Variants in IQCJ observed in about 807,000 individuals in gnomAD.
IQCJ encodes IQ domain-containing protein J.
IQCJ carries 9 observed loss-of-function variants against 11.0 expected under a neutral mutation model. The ratio of observed to expected loss-of-function variants is 0.82; its 90% CI spans 0.49 to 1.43. The LOEUF is 1.43. IQCJ is among the 40% of genes most tolerant of loss of function. IQCJ has a pLI of 0.00. For missense variants in IQCJ, 146 were observed against 133.2 expected (o/e 1.10, Z -0.47); for synonymous variants, 55 against 51.3 (o/e 1.07, Z -0.31).
chr3:159,254,733 C>G (rs1054795942), intron 3 of IQCJ, among the ~76,000 whole-genome samples: 2 of 152,094 alleles, frequency 1.3e-5, no homozygotes, highest in African/African-American at 4.8e-5. Context: ...CCCTCCTTCT[C>G]CCTTCCTTTA....
intron 1 of IQCJ, among the ~76,000 whole-genome samples, chr3:159,158,440 C>G (rs927166762): frequency 2.0e-5 from 3 of 152,140 alleles, no homozygotes; most frequent in African/African-American, 7.2e-5. Flanking sequence ...ATTGGTCTTC[C>G]TTCCCTGGTG....
chr3:159,239,253 C>T (rs781485363), intron 1 of IQCJ, among the ~76,000 whole-genome samples: 92 of 152,266 alleles, frequency 6.0e-4, no homozygotes, highest in Non-Finnish European at 1.2e-3. Context: ...TCCAAATTGT[C>T]AGCAGAGCAG....
At chr3:159,127,660 C>T (rs1271451288) in intron 1 of IQCJ, among the ~76,000 whole-genome samples, 3 of 152,092 alleles carry the variant, frequency 2.0e-5, no homozygotes, top group South Asian at 2.1e-4. Flanking sequence ...TGCATTTAGT[C>T]GTGTTGACTG....
chr3:159,182,662 C>T (rs4533706), intron 1 of IQCJ, among the ~76,000 whole-genome samples: 32,491 of 151,840 alleles, frequency 0.21, 4,422 homozygotes, highest in South Asian at 0.39. Flanking sequence ...CTGGGGGCTG[C>T]ATGCACCAGT....
intron 1 of IQCJ, among the ~76,000 whole-genome samples, chr3:159,232,272 T>C (rs1343530032): frequency 1.3e-5 from 2 of 152,108 alleles, no homozygotes; most frequent in East Asian, 1.9e-4. Context: ...CATTTAGTCC[T>C]ATAAATTTCC....
At chr3:159,253,613 A>T (rs1727727263) in intron 3 of IQCJ, among the ~76,000 whole-genome samples, 1 of 20,398 alleles carries the variant, frequency 4.9e-5, no homozygotes, top group Non-Finnish European at 2.3e-4. Context: ...CCTCACAAAC[A>T]CACACACACA....
chr3:159,110,124 G>T (rs1718533456), intron 1 of IQCJ, among the ~76,000 whole-genome samples: 1 of 152,184 alleles, frequency 6.6e-6, no homozygotes, highest in South Asian at 2.1e-4. Flanking sequence ...AGAGTGGAGA[G>T]GTGGACAATG....
chr3:159,228,974 C>T (rs1726026833), intron 1 of IQCJ, among the ~76,000 whole-genome samples: 1 of 152,184 alleles, frequency 6.6e-6, no homozygotes. Flanking sequence ...ATGTGGTACT[C>T]AGTTGTTGTT....
chr3:159,222,553 T>C (rs1725612168), intron 1 of IQCJ, among the ~76,000 whole-genome samples: 1 of 152,004 alleles, frequency 6.6e-6, no homozygotes. Context: ...AGGGAGGAAA[T>C]TGACAGATGA....
intron 1 of IQCJ, among the ~76,000 whole-genome samples, chr3:159,120,777 T>G: frequency 6.6e-6 from 1 of 152,204 alleles, no homozygotes; most frequent in East Asian, 1.9e-4. Flanking sequence ...AGGGTTTTAG[T>G]TTTCTTATGT....
chr3:159,120,873 A>G (rs1173844083), intron 1 of IQCJ, among the ~76,000 whole-genome samples: 3 of 152,112 alleles, frequency 2.0e-5, no homozygotes, highest in Non-Finnish European at 4.4e-5. Flanking sequence ...CTCCCTTTTC[A>G]TTGTGCCTAT....
chr3:159,254,934 T>A (rs936023930), intron 3 of IQCJ, among the ~76,000 whole-genome samples: 3 of 152,232 alleles, frequency 2.0e-5, no homozygotes, highest in Non-Finnish European at 4.4e-5. Flanking sequence ...ACATCCTCAA[T>A]GGGTTTGTGC....
chr3:159,190,210 A>G (rs1301002736), intron 1 of IQCJ, among the ~76,000 whole-genome samples: 2 of 152,156 alleles, frequency 1.3e-5, no homozygotes, highest in African/African-American at 4.8e-5. Context: ...TTCTCAACCA[A>G]GACTCTTCTG....
chr3:159,091,326 C>T (rs1717266255), intron 1 of IQCJ, among the ~76,000 whole-genome samples: 1 of 151,752 alleles, frequency 6.6e-6, no homozygotes, highest in South Asian at 2.1e-4. Context: ...GATCAGGGTG[C>T]TGACACGGTT....
chr3:159,212,885 A>G (rs1725029081), intron 1 of IQCJ, among the ~76,000 whole-genome samples: 1 of 152,262 alleles, frequency 6.6e-6, no homozygotes, highest in African/African-American at 2.4e-5. Context: ...GTATATGACT[A>G]GACTGGAGGA....
chr3:159,251,870 T>C (rs1727622265), intron 2 of IQCJ, among the ~76,000 whole-genome samples: 4 of 152,134 alleles, frequency 2.6e-5, no homozygotes, highest in Non-Finnish European at 5.9e-5. Context: ...GGAAAGTGAC[T>C]TAGTTAATGG....
chr3:159,193,434 A>G (rs1443202229), intron 1 of IQCJ, among the ~76,000 whole-genome samples: 1 of 152,170 alleles, frequency 6.6e-6, no homozygotes, highest in Non-Finnish European at 1.5e-5. Flanking sequence ...TTGATATGTG[A>G]TAGGAGCAGT....
intron 1 of IQCJ, among the ~76,000 whole-genome samples, chr3:159,188,118 A>T (rs907631479): frequency 6.6e-6 from 1 of 152,200 alleles, no homozygotes; most frequent in Non-Finnish European, 1.5e-5. Flanking sequence ...TTCACTTTAA[A>T]AAAATACTTT....
chr3:159,254,157 A>T (rs979727016), intron 3 of IQCJ, among the ~76,000 whole-genome samples: 3 of 152,214 alleles, frequency 2.0e-5, no homozygotes, highest in African/African-American at 7.2e-5. Context: ...TCTCATTAAG[A>T]TAAGGTCCTG....
Sources: gnomAD v4.1 joint callset for allele counts (sites outside exome capture counted in the v4.1 genomes callset) on GRCh38, gnomAD v4.1.1 for gene constraint, MANE v1.5 for transcripts, NCBI Gene and HGNC (gene_info 2026-07-23, HGNC 2026-07-21) for gene names.